The following KLC1 variants were observed in gnomAD, a reference collection of about 807,000 sequenced individuals.
KLC1 encodes the protein kinesin 2 60/70kDa.
KLC1 carries 30 observed loss-of-function variants against 84.2 expected under a neutral mutation model. The observed-to-expected ratio is 0.36, with a 90% CI of 0.27 to 0.48. KLC1 has a LOEUF of 0.48. Ranked by LOEUF, KLC1 falls within the 20% of genes least tolerant of loss-of-function variation. The probability of loss-of-function intolerance (pLI) is 0.99; values close to 1 mark genes in which losing one functional copy is unlikely to be tolerated. For missense variants in KLC1, 499 were observed against 805.4 expected (o/e 0.62, Z 4.60); for synonymous variants, 289 against 293.3 (o/e 0.99, Z 0.15).
chr14:103,695,497 CAG>C, intron 15 of KLC1: 2 of 985,318 alleles, frequency 2.0e-6, no homozygotes, highest in Non-Finnish European at 2.4e-6. Flanking sequence ...GCACAGGCGA[CAG>C]GGAGGAGGGC....
chr14:103,647,696 TA>T (rs1167996269), intron 1 of KLC1, among the ~76,000 whole-genome samples: 5 of 150,718 alleles, frequency 3.3e-5, no homozygotes, highest in Admixed American at 6.6e-5. Flanking sequence ...GCATACATGG[TA>T]AAACCCCATC....
At chr14:103,656,426 C>T (rs2078846511) in intron 2 of KLC1, among the ~76,000 whole-genome samples, 1 of 152,224 alleles carries the variant, frequency 6.6e-6, no homozygotes, top group Non-Finnish European at 1.5e-5. Context: ...TAAATACTCT[C>T]TCCTGATAAC....
At chr14:103,685,166 G>C (rs2081680531) in intron 13 of KLC1, 10 of 1,457,218 alleles carry the variant, frequency 6.9e-6, no homozygotes, top group Non-Finnish European at 9.1e-6. Flanking sequence ...ATTATCAACT[G>C]CATGTTTAAA....
At chr14:103,644,504 C>CA (rs1350693929) in intron 1 of KLC1, among the ~76,000 whole-genome samples, 1 of 152,074 alleles carries the variant, frequency 6.6e-6, no homozygotes, top group African/African-American at 2.4e-5. Flanking sequence ...CCTGATCCAC[C>CA]CGCTTCAGCC....
chr14:103,660,493 A>G (rs1315092584), intron 3 of KLC1, among the ~76,000 whole-genome samples: 1 of 149,948 alleles, frequency 6.7e-6, no homozygotes, highest in African/African-American at 2.5e-5. Context: ...AAAAGAAAAA[A>G]AAAAAAAAAA....
intron 5 of KLC1, among the ~76,000 whole-genome samples, chr14:103,668,539 G>A (rs368452811): frequency 4.0e-5 from 6 of 151,640 alleles, no homozygotes; most frequent in East Asian, 1.9e-4. Flanking sequence ...GTGCAGTGGC[G>A]CGATCTATGC....
At chr14:103,647,447 C>T (rs2078033442) in intron 1 of KLC1, among the ~76,000 whole-genome samples, 3 of 151,804 alleles carry the variant, frequency 2.0e-5, no homozygotes, top group African/African-American at 7.3e-5. Context: ...CCAGGCTGGT[C>T]TTGAACTCCT....
At chr14:103,684,178 A>G (rs556145783) in intron 13 of KLC1, among the ~76,000 whole-genome samples, 1 of 152,228 alleles carries the variant, frequency 6.6e-6, no homozygotes, top group Non-Finnish European at 1.5e-5. Context: ...ATCTGTCTCA[A>G]ATTACACTAG....
intron 5 of KLC1, among the ~76,000 whole-genome samples, chr14:103,666,865 C>T (rs1453315499): frequency 2.6e-5 from 4 of 151,034 alleles, no homozygotes; most frequent in African/African-American, 9.7e-5. Flanking sequence ...CAACCTCTGC[C>T]TCCCAGGTTC....
At chr14:103,687,294 A>C in intron 14 of KLC1, 83 bp downstream of exon 14, 2 of 1,352,560 alleles carry the variant, frequency 1.5e-6, no homozygotes, top group Non-Finnish European at 1.0e-6. Context: ...TTCCTCACCC[A>C]CAGACTTGAG....
chr14:103,680,770 G>T (rs994005501), intron 13 of KLC1, among the ~76,000 whole-genome samples: 13 of 152,238 alleles, frequency 8.5e-5, no homozygotes, highest in African/African-American at 1.4e-4. Flanking sequence ...TGTCGTATCT[G>T]CATGCTTCGT....
chr14:103,666,607 T>C (rs892878301), intron 5 of KLC1, among the ~76,000 whole-genome samples: 3 of 151,816 alleles, frequency 2.0e-5, no homozygotes, highest in Non-Finnish European at 4.4e-5. Flanking sequence ...TCTTTTTTTT[T>C]TTTTTCTGAA....
chr14:103,665,819 T>G (rs1246947753), intron 5 of KLC1, among the ~76,000 whole-genome samples: 1 of 152,234 alleles, frequency 6.6e-6, no homozygotes, highest in African/African-American at 2.4e-5. Context: ...GCTGCCAAAC[T>G]GCCACTCAGA....
In KLC1 at chr14:103,675,572, A is replaced by T; in HGVS notation, c.1282A>T (p.Met428Leu). 6.2e-7 allele frequency: 1 copy of T among 1,612,868 alleles called. No individual in the cohort carries two copies. Among genetic ancestry groups the T allele is most frequent in the Non-Finnish European group, 8.5e-7 (1 of 1,179,526 alleles). Residue 428 changes from methionine (M) to leucine (L), a missense_variant, in exon 10 of 17, where the codon ATG becomes TTG. By Grantham distance (15) the Met-to-Leu change is conservative (BLOSUM62 2). This residue lies in a region of KLC1 where 153 missense variants were observed against 332.4 expected (regional missense o/e 0.46). Coordinates refer to ENST00000334553, the MANE Select transcript of KLC1 (RefSeq NM_001394837.1). ...CCTAGATGAAAATAAACCCATCTGG[A>T]TGCATGCTGAAGAAAGAGAAGAATG... is the stretch of plus-strand genomic sequence containing the variant. The part of the protein sequence containing the change: ...SVDDENKPIW[M>L]HAEEREECKG...
chr14:103,637,297 C>T (rs1220573260), intron 1 of KLC1, among the ~76,000 whole-genome samples: 3 of 151,792 alleles, frequency 2.0e-5, no homozygotes, highest in African/African-American at 7.3e-5. Flanking sequence ...TTTCGGAGGC[C>T]GAGGCGGGTG....
chr14:103,699,408 C>T (rs770889808), intron 15 of KLC1: 9 of 1,612,390 alleles, frequency 5.6e-6, no homozygotes, highest in South Asian at 1.1e-5. Context: ...CTGCTCAGCT[C>T]ACGCAGCGTG....
At chr14:103,672,939 A>G in intron 7 of KLC1, 75 bp from the exon 8 acceptor site, 3 of 1,335,784 alleles carry the variant, frequency 2.2e-6, no homozygotes, top group Non-Finnish European at 3.2e-6. Context: ...GAAGATCCTG[A>G]TGTGACAGTA....
intron 5 of KLC1, among the ~76,000 whole-genome samples, chr14:103,665,894 G>T (rs1380734560): frequency 6.6e-6 from 1 of 151,870 alleles, no homozygotes. Flanking sequence ...GCTCTATTCC[G>T]TTGGTGGAGA....
Position 103,694,251 on chromosome 14 carries a change from T to G in KLC1, c.1848+1826T>G, listed in dbSNP as rs1266290044. ...AAGCCCATAGAGACGTGTGTTTCACTTTTTTTTTTTTTTTTTTTGAGACGG... is the reference window on the plus strand; with the variant it reads ...AAGCCCATAGAGACGTGTGTTTCACGTTTTTTTTTTTTTTTTTTGAGACGG... On this transcript the variant is annotated intron_variant, in intron 15 of 16. Transcript: ENST00000334553. The surrounding 1 kb of genome is among the most constrained non-coding windows in gnomAD (Gnocchi z 4.5). 1.2e-5 allele frequency: 2 copies of G among 167,426 alleles called. No individual in the cohort carries two copies. Among genetic ancestry groups the G allele is most frequent in the Non-Finnish European group, 1.6e-5 (2 of 121,442 alleles). The allele number at this position is 167,426 out of a possible 1,614,324, so 10.4% of individuals were successfully genotyped here.
Sources: gnomAD v4.1 joint callset for allele counts (sites outside exome capture counted in the v4.1 genomes callset) on GRCh38, gnomAD v4.1.1 for gene constraint, gnomAD v4.1.1 regional missense constraint, Gnocchi (gnomAD v3.1) non-coding constraint, MANE v1.5 for transcripts, NCBI Gene and HGNC (gene_info 2026-07-23, HGNC 2026-07-21) for gene names.